Variants in ZFP28 observed in about 807,000 individuals in gnomAD.
ZFP28 encodes the protein zinc finger protein 28 homolog.
In ZFP28, 31 loss-of-function variants were observed where a neutral mutation model predicts 39.5. The observed-to-expected ratio is 0.79, with a 90% CI of 0.59 to 1.06. The LOEUF is 1.06. Among genes scored for constraint, ZFP28 ranks in the 50% least tolerant of loss-of-function variants. The probability of loss-of-function intolerance (pLI) is 0.00; values close to 1 mark genes in which losing one functional copy is unlikely to be tolerated. For synonymous variants in ZFP28, 400 were observed against 378.6 expected (o/e 1.06, Z -0.66); for missense variants, 925 against 1,048.4 (o/e 0.88, Z 1.63).
intron 7 of ZFP28, chr19:56,550,817 C>T: frequency 6.7e-7 from 1 of 1,494,950 alleles, no homozygotes; most frequent in Non-Finnish European, 8.9e-7. Flanking sequence ...GAAGTTCCTT[C>T]TTTTCTTGGC....
In ZFP28 at chr19:56,539,625, C is replaced by T; in HGVS notation, c.209C>T (p.Ala70Val). 1 of 1,613,910 alleles carries T rather than the reference C, an allele frequency of 6.2e-7. No individual in the cohort carries two copies. The highest frequency in any genetic ancestry group is 8.5e-7 in the Non-Finnish European group (1 of 1,179,884). The change falls in exon 2 of 8, where the codon GCT (alanine) becomes GTT (valine). Residue 70 changes from alanine to valine, a missense_variant and splice_region_variant. This residue lies in a region of ZFP28 where 556 missense variants were observed against 542.9 expected (regional missense o/e 1.02). Transcript: ENST00000301318. ...CTCTAGCTACTCCTTTCTCTTTCAG[C>T]TCTGCCTTCCAGGGACACTGCTCTT... Reference protein sequence around the residue: ...GAAPTGPGHRALPSRDTALPQ... With the variant: ...GAAPTGPGHRVLPSRDTALPQ...
At position 56,547,300 on chromosome 19, in the gene ZFP28, G is replaced by A. The variant is rs2044250663; in HGVS notation, c.301-208G>A. 1.6e-6 allele frequency: 1 copy of A among 634,604 alleles called. No individual in the cohort carries two copies. Among genetic ancestry groups the A allele is most frequent in the African/African-American group, 1.9e-5 (1 of 53,984 alleles). The allele number at this position is 634,604 out of a possible 1,614,324, so 39.3% of individuals were successfully genotyped here. The stretch of plus-strand genomic sequence containing the variant: ...TTTTAATAAGGACACCAGACAGATT[G>A]GGTTAGGGCCCCACCCATATGACCT... On this transcript the variant is annotated intron_variant, in intron 2 of 7. Coordinates refer to ENST00000301318, the MANE Select transcript of ZFP28 (RefSeq NM_020828.2). This position sits in a 1 kb window ranked among gnomAD's most constrained non-coding sequence, Gnocchi z 4.6.
intron 2 of ZFP28, among the ~76,000 whole-genome samples, chr19:56,543,718 G>T (rs1392898641): frequency 6.6e-6 from 1 of 152,186 alleles, no homozygotes; most frequent in Non-Finnish European, 1.5e-5. Context: ...ACAGGAATAA[G>T]AACAGGACCT....
chr19:56,553,979 T>A lies in ZFP28; in HGVS notation c.1194T>A (p.Ile398=). Residue 398 remains isoleucine, a synonymous_variant, in exon 8 of 8, where the codon ATT becomes ATA. Transcript: ENST00000301318. ...AGAAAGTTCATAATCGTGATTCAATTAAAAATTTTCAAAAAAGTTCAGTGG... is the reference window on the plus strand; with the variant it reads ...AGAAAGTTCATAATCGTGATTCAATAAAAAATTTTCAAAAAAGTTCAGTGG... ...SEEKVHNRDS[I]KNFQKSSVVI... The A allele has an allele frequency of 3.1e-6, 5 of 1,611,152 alleles. No homozygotes were observed. The highest frequency in any genetic ancestry group is 4.2e-6 in the Non-Finnish European group (5 of 1,179,338).
intron 2 of ZFP28, among the ~76,000 whole-genome samples, chr19:56,542,652 G>C (rs560243135): frequency 1.3e-5 from 2 of 152,222 alleles, no homozygotes; most frequent in Non-Finnish European, 2.9e-5. Flanking sequence ...TTTGGTGGAT[G>C]AATGTTTGAA....
At chr19:56,542,764 A>G (rs73070079) in intron 2 of ZFP28, among the ~76,000 whole-genome samples, 22,499 of 140,250 alleles carry the variant, frequency 0.16, 1,851 homozygotes, top group Middle Eastern at 0.23. Context: ...TGATTTTTTT[A>G]TTTTGTTTTT....
Position 56,547,519 on chromosome 19 carries a change from A to G in ZFP28, c.312A>G (p.Thr104=), listed in dbSNP as rs752393084. ...TTATATCATTTCAGGGCTTGGTGAC[A>G]TTTGGGGATGTGGCTGTAGATTTCT... ...EPKAMSQGLV[T]FGDVAVDFSQ... is the part of the protein sequence containing the mutation. Residue 104 remains threonine (T), a synonymous_variant, in exon 3 of 8, where the codon ACA becomes ACG. Coordinates refer to ENST00000301318, the MANE Select transcript of ZFP28 (RefSeq NM_020828.2). The surrounding 1 kb of genome is among the most constrained non-coding windows in gnomAD (Gnocchi z 4.6). The G allele has an allele frequency of 3.7e-6, 6 of 1,614,008 alleles. No homozygotes were observed. The highest frequency in any genetic ancestry group is 3.3e-4 in the Middle Eastern group (2 of 6,084).
At chr19:56,538,917 G>A, upstream of ZFP28, 1 of 1,077,744 alleles carries the variant, frequency 9.3e-7, no homozygotes, top group Non-Finnish European at 1.2e-6. Context: ...GGCCATGGGG[G>A]AGCGCGCGCG....
Position 56,555,516 on chromosome 19 carries a change from TC to T in ZFP28, c.*126del, listed in dbSNP as rs1368637126. 1 of 1,297,410 alleles carries T rather than the reference TC, an allele frequency of 7.7e-7. No homozygotes were observed. Among genetic ancestry groups the T allele is most frequent in the African/African-American group, 1.5e-5 (1 of 67,554 alleles). The allele number at this position is 1,297,410 out of a possible 1,614,324, so 80.4% of individuals were successfully genotyped here. ...ATAAGTGTAAATGTAACTTATTCAC[TC>T]CTCTTGTAAAACTTATAGTTTCTTT... is the stretch of plus-strand genomic sequence containing the variant. On this transcript the variant is annotated 3_prime_UTR_variant, in exon 8 of 8. Coordinates refer to ENST00000301318, the MANE Select transcript of ZFP28 (RefSeq NM_020828.2).
rs1000944174 is a variant in ZFP28 at position 56,539,677 on chromosome 19, G to A, written c.261G>A (p.Glu87=). Residue 87 remains glutamate, a synonymous_variant, in exon 2 of 8, where the codon GAG becomes GAA. Transcript: ENST00000301318. ...ALPQERNKKL[E]AVGTGIEPKA... Reference sequence around the variant, plus strand: ...CCCAGGAGAGAAACAAGAAGCTGGAGGCTGTGGGGACAGGAATTGAACCTA... The same window carrying A: ...CCCAGGAGAGAAACAAGAAGCTGGAAGCTGTGGGGACAGGAATTGAACCTA... The A allele has an allele frequency of 8.1e-6, 13 of 1,614,066 alleles. No homozygotes were observed. The highest frequency in any genetic ancestry group is 1.0e-5 in the Non-Finnish European group (12 of 1,180,038).
chr19:56,549,449 G>A (rs564169026), intron 5 of ZFP28, among the ~76,000 whole-genome samples: 24 of 152,076 alleles, frequency 1.6e-4, no homozygotes, highest in African/African-American at 2.7e-4. Context: ...AGGCCGAGGC[G>A]GGTGGATCAC....
In ZFP28 at chr19:56,554,694, A is replaced by G. The variant is rs1372372510; in HGVS notation, c.1909A>G (p.Arg637Gly). 3.1e-6 allele frequency: 5 copies of G among 1,614,116 alleles called. No individual in the cohort carries two copies. The highest frequency in any genetic ancestry group is 1.3e-5 in the African/African-American group (1 of 74,942). ...CAGTTCTCAGCTTGCCACTCATCAG[A>G]GAATCCATACTGGAGAGAAGCCCTA... ...SISSQLATHQRIHTGEKPYEC... is the reference protein window; with the variant it reads ...SISSQLATHQGIHTGEKPYEC... Residue 637 changes from arginine (R) to glycine (G), a missense_variant, in exon 8 of 8, where the codon AGA becomes GGA. Physicochemically the swap from Arg to Gly is moderately radical, Grantham distance 125. Transcript: ENST00000301318. This position sits in a 1 kb window ranked among gnomAD's most constrained non-coding sequence, Gnocchi z 6.7.
At position 56,554,687 on chromosome 19, in the gene ZFP28, TCATCAGAGAATCC is replaced by T; in HGVS notation, c.1903_1915del (p.His635IlefsTer190). ...TCAGCATCAGTTCTCAGCTTGCCACTCATCAGAGAATCCATACTGGAGAGAAGCCCTATGAATG... is the reference window on the plus strand; with the variant it reads ...TCAGCATCAGTTCTCAGCTTGCCACTATACTGGAGAGAAGCCCTATGAATG... On this transcript the variant is annotated frameshift_variant, in exon 8 of 8. Coordinates refer to ENST00000301318, the MANE Select transcript of ZFP28 (RefSeq NM_020828.2). LOFTEE classifies it low-confidence loss of function (END_TRUNC). The surrounding 1 kb of genome is among the most constrained non-coding windows in gnomAD (Gnocchi z 6.7). The T allele has an allele frequency of 6.2e-7, 1 of 1,614,114 alleles. No individual in the cohort carries two copies. Among genetic ancestry groups the T allele is most frequent in the Non-Finnish European group, 8.5e-7 (1 of 1,180,012 alleles).
chr19:56,539,648 C>G lies in ZFP28; in HGVS notation c.232C>G (p.Leu78Val), dbSNP rs767308660. The part of the protein sequence containing the change: ...HRALPSRDTA[L>V]PQERNKKLEA... ...AGCTCTGCCTTCCAGGGACACTGCT[C>G]TTCCCCAGGAGAGAAACAAGAAGCT... The change falls in exon 2 of 8, where the codon CTT becomes GTT. Residue 78 changes from leucine (L) to valine (V), a missense_variant. Around this residue, in one of 2 missense-constraint regions of ZFP28, gnomAD observed 556 missense variants for 542.9 expected, o/e 1.02. Coordinates refer to ENST00000301318, the MANE Select transcript of ZFP28 (RefSeq NM_020828.2). 1.9e-6 allele frequency: 3 copies of G among 1,614,072 alleles called. No individual in the cohort carries two copies. Among genetic ancestry groups the G allele is most frequent in the Non-Finnish European group, 2.5e-6 (3 of 1,179,994 alleles).
rs539624168 is a variant in ZFP28, at chr19:56,551,500, T to C, written c.898+895T>C. ...TTGCTCACTTAGGTTGCTTTACATTTCTTAGTATTAAAGATACAATTATAA... is the reference window on the plus strand; with the variant it reads ...TTGCTCACTTAGGTTGCTTTACATTCCTTAGTATTAAAGATACAATTATAA... On this transcript the variant is annotated intron_variant, in intron 7 of 7. Coordinates refer to ENST00000301318, the MANE Select transcript of ZFP28 (RefSeq NM_020828.2). 91 of 984,974 alleles carry C rather than the reference T, an allele frequency of 9.2e-5. No homozygotes were observed. The African/African-American group carries it at 1.5e-3, about 16-fold the overall frequency. The allele number at this position is 984,974 out of a possible 1,614,324, so 61.0% of individuals were successfully genotyped here. A position where few individuals can be genotyped will look rare whatever the true frequency, so the allele number is the denominator to read the frequency against.
At chr19:56,545,157 G>C (rs1600541953) in intron 2 of ZFP28, among the ~76,000 whole-genome samples, 1 of 152,190 alleles carries the variant, frequency 6.6e-6, no homozygotes, top group Non-Finnish European at 1.5e-5. Flanking sequence ...AGCAGTTCTT[G>C]GCTGTTTCCT....
At chr19:56,549,675 T>TC (rs1016761465) in intron 5 of ZFP28, among the ~76,000 whole-genome samples, 1 of 150,790 alleles carries the variant, frequency 6.6e-6, no homozygotes, top group Non-Finnish European at 1.5e-5. Context: ...AGACTCCGTC[T>TC]CAAAAAAAAA....
intron 5 of ZFP28, 36 bp from the exon 6 acceptor site, chr19:56,550,031 T>C (rs1379895986): frequency 1.9e-6 from 3 of 1,557,528 alleles, no homozygotes; most frequent in Non-Finnish European, 2.6e-6. Context: ...TTCACGAACA[T>C]GGTTTGATTT....
chr19:56,538,825 G>A, upstream of ZFP28: 1 of 107,958 alleles, frequency 9.3e-6, no homozygotes, highest in Non-Finnish European at 1.8e-5. Context: ...GGCGGGGCGG[G>A]GCGGGGCAGC....
Sources: gnomAD v4.1 joint callset for allele counts (sites outside exome capture counted in the v4.1 genomes callset) on GRCh38, gnomAD v4.1.1 for gene constraint, gnomAD v4.1.1 regional missense constraint, Gnocchi (gnomAD v3.1) non-coding constraint, MANE v1.5 for transcripts, NCBI Gene and HGNC (gene_info 2026-07-23, HGNC 2026-07-21) for gene names.